Variants in AOX1 observed in about 807,000 individuals in gnomAD.
The protein encoded by AOX1 is aldehyde oxidase.
Under a neutral mutation model 169.5 loss-of-function variants are expected in AOX1, and 153 were observed. The ratio of observed to expected loss-of-function variants is 0.90; its 90% CI spans 0.79 to 1.03. The LOEUF is 1.03. AOX1 is among the 50% of genes least tolerant of loss of function. The pLI, the probability that AOX1 is intolerant of heterozygous loss-of-function variation, is 0.00. For synonymous variants in AOX1, 562 were observed against 581.9 expected (o/e 0.97, Z 0.49); for missense variants, 1,656 against 1,663.9 (o/e 1.00, Z 0.08).
intron 25 of AOX1, among the ~76,000 whole-genome samples, chr2:200,647,620 T>C (rs185800312): frequency 1.3e-4 from 20 of 152,352 alleles, no homozygotes; most frequent in East Asian, 9.6e-4. Flanking sequence ...TTCTTGTATT[T>C]GATGTCTAGG....
intron 28 of AOX1, among the ~76,000 whole-genome samples, 188 bp from the exon 29 acceptor site, chr2:200,659,807 C>T (rs1204113744): frequency 6.7e-6 from 1 of 148,532 alleles, no homozygotes; most frequent in Non-Finnish European, 1.5e-5. Context: ...CACACACACA[C>T]ACACACACAC....
In AOX1 at chr2:200,671,428, T is replaced by C. The variant is rs1453507600; in HGVS notation, c.*749T>C. ...ACTACTCTGACTTGATCATTTAACATTCTGTGTATGTAACAAAATATCACA... is the reference window on the plus strand; with the variant it reads ...ACTACTCTGACTTGATCATTTAACACTCTGTGTATGTAACAAAATATCACA... On this transcript the variant is annotated 3_prime_UTR_variant, in exon 35 of 35. Transcript: ENST00000374700. The C allele has an allele frequency of 6.6e-6, 1 of 152,262 alleles. No homozygotes were observed. The highest frequency in any genetic ancestry group is 2.4e-5 in the African/African-American group (1 of 41,468). 9.4% of individuals were successfully genotyped at this position (152,262 alleles called of 1,614,324 possible).
chr2:200,586,146 G>T lies in AOX1; in HGVS notation c.38G>T (p.Gly13Val). Residue 13 changes from glycine (G) to valine (V), a missense_variant, in exon 1 of 35, where the codon GGC becomes GTC. Transcript: ENST00000374700. ...RASELLFYVN[G>V]RKVIEKNVDP... ...TCCGAGCTGCTCTTCTACGTGAACGGCCGCAAGGTGAGCGCCCGCGGGCTT... is the reference window on the plus strand; with the variant it reads ...TCCGAGCTGCTCTTCTACGTGAACGTCCGCAAGGTGAGCGCCCGCGGGCTT... The T allele has an allele frequency of 6.4e-7, 1 of 1,563,016 alleles. No individual in the cohort carries two copies. The highest frequency in any genetic ancestry group is 8.7e-7 in the Non-Finnish European group (1 of 1,154,850).
intron 25 of AOX1, among the ~76,000 whole-genome samples, chr2:200,648,947 A>G (rs1409391193): frequency 1.3e-5 from 2 of 152,090 alleles, no homozygotes; most frequent in Non-Finnish European, 2.9e-5. Flanking sequence ...TGTACCCCCC[A>G]ACAGCCCTGA....
chr2:200,611,422 A>T lies in AOX1; in HGVS notation c.1192A>T (p.Ser398Cys). The change falls in exon 13 of 35, where the codon AGC becomes TGC. Residue 398 changes from serine to cysteine, a missense_variant. Coordinates refer to ENST00000374700, the MANE Select transcript of AOX1 (RefSeq NM_001159.4). ...RQIPLNEQFL[S>C]KCPNADLKPQ... ...GATTCCTTTAAATGAGCAATTCCTC[A>T]GCAAGTGCCCTAATGCAGATCTTAA... The T allele has an allele frequency of 6.2e-7, 1 of 1,614,082 alleles. No homozygotes were observed. Among genetic ancestry groups the T allele is most frequent in the Non-Finnish European group, 8.5e-7 (1 of 1,179,928 alleles).
chr2:200,633,191 G>C (rs570204946), intron 20 of AOX1, among the ~76,000 whole-genome samples: 1 of 152,244 alleles, frequency 6.6e-6, no homozygotes, highest in East Asian at 1.9e-4. Context: ...GTTTGACTAT[G>C]AGGTATCTTG....
intron 18 of AOX1, among the ~76,000 whole-genome samples, chr2:200,623,625 C>G (rs1363024897): frequency 6.6e-6 from 1 of 152,238 alleles, no homozygotes; most frequent in Non-Finnish European, 1.5e-5. Flanking sequence ...CTGCTGTCCT[C>G]AAGACAGCAT....
chr2:200,651,441 C>T (rs931447307), intron 26 of AOX1, among the ~76,000 whole-genome samples: 3 of 152,126 alleles, frequency 2.0e-5, no homozygotes, highest in Non-Finnish European at 4.4e-5. Flanking sequence ...AATTGGGAGA[C>T]TGAGGTTTAC....
chr2:200,649,857 G>C (rs957095211), intron 25 of AOX1, among the ~76,000 whole-genome samples: 12 of 152,160 alleles, frequency 7.9e-5, no homozygotes, highest in African/African-American at 2.9e-4. Flanking sequence ...GACTTCTCCC[G>C]GCAAGCTCAC....
chr2:200,636,183 C>T (rs946714207), intron 21 of AOX1, among the ~76,000 whole-genome samples: 1 of 120,956 alleles, frequency 8.3e-6, no homozygotes, highest in African/African-American at 3.2e-5. Flanking sequence ...GGCTGGAGTG[C>T]AGTGGTGCCG....
chr2:200,642,129 A>G (rs553323929), intron 24 of AOX1, among the ~76,000 whole-genome samples: 2 of 146,482 alleles, frequency 1.4e-5, no homozygotes, highest in African/African-American at 2.5e-5. Flanking sequence ...AACTCTGTCT[A>G]AAAAAAAAAG....
At chr2:200,647,877 T>G (rs1006772453) in intron 25 of AOX1, among the ~76,000 whole-genome samples, 1 of 152,204 alleles carries the variant, frequency 6.6e-6, no homozygotes, top group African/African-American at 2.4e-5. Context: ...TTAATTCTAC[T>G]ACTGAGACTT....
chr2:200,648,741 T>C (rs1454480616), intron 25 of AOX1, among the ~76,000 whole-genome samples: 1 of 152,140 alleles, frequency 6.6e-6, no homozygotes, highest in African/African-American at 2.4e-5. Context: ...GAGCTCAGAC[T>C]GTCCTTGGGT....
chr2:200,657,346 C>A (rs1228033186), intron 27 of AOX1, among the ~76,000 whole-genome samples: 1 of 150,586 alleles, frequency 6.6e-6, no homozygotes, highest in Non-Finnish European at 1.5e-5. Flanking sequence ...CAGAGCAAGA[C>A]CCTGTCTCAA....
chr2:200,670,571 TTCACCTAAG>T, intron 34 of AOX1, 49 bp from the exon 35 acceptor site: 11 of 1,468,094 alleles, frequency 7.5e-6, no homozygotes, highest in Non-Finnish European at 1.0e-5. Context: ...TCTTCTATTT[TTCACCTAAG>T]TCACAAACAT....
chr2:200,612,305 C>CA (rs1375092552), intron 13 of AOX1, among the ~76,000 whole-genome samples: 3 of 152,144 alleles, frequency 2.0e-5, no homozygotes, highest in African/African-American at 7.2e-5. Flanking sequence ...AAGCCTGCCT[C>CA]AGAGGATGTA....
intron 11 of AOX1, 51 bp downstream of exon 11, chr2:200,609,186 C>A: frequency 6.2e-7 from 1 of 1,602,970 alleles, no homozygotes; most frequent in South Asian, 1.1e-5. Context: ...GGGTGACTCT[C>A]CCTGATGAAT....
At chr2:200,603,887 T>G in intron 7 of AOX1, 130 bp from the exon 8 acceptor site, 2 of 641,464 alleles carry the variant, frequency 3.1e-6, no homozygotes, top group Non-Finnish European at 2.8e-6. Flanking sequence ...AGCGCGGGGA[T>G]TGTGGCTGGC....
chr2:200,637,714 G>A (rs1256055153), intron 22 of AOX1, among the ~76,000 whole-genome samples: 2 of 151,900 alleles, frequency 1.3e-5, no homozygotes, highest in South Asian at 2.1e-4. Context: ...TTTCCTTTGA[G>A]GATCTCAAAA....
Sources: allele counts gnomAD v4.1 joint callset (sites outside exome capture counted in the v4.1 genomes callset), GRCh38; gene constraint gnomAD v4.1.1; transcripts MANE v1.5; gene names NCBI Gene and HGNC (gene_info 2026-07-23, HGNC 2026-07-21).